The following DET1 variants were observed in gnomAD, a reference collection of about 807,000 sequenced individuals.
DET1 encodes DET1 homolog.
A neutral mutation model predicts 43.7 loss-of-function variants in DET1; 22 were observed. The observed-to-expected ratio is 0.50, with a 90% CI of 0.36 to 0.72. The LOEUF (loss-of-function observed/expected upper bound fraction) is 0.72, where lower values mean the gene tolerates loss of function less well. Ranked by LOEUF, DET1 falls within the 30% of genes least tolerant of loss-of-function variation. The pLI, the probability that DET1 is intolerant of heterozygous loss-of-function variation, is 0.00. For missense variants in DET1, 713 were observed against 713.3 expected (o/e 1.00, Z 0.00); for synonymous variants, 315 against 266.2 (o/e 1.18, Z -1.79).
In DET1 at chr15:88,516,829, C is replaced by T; in HGVS notation, c.1416G>A (p.Trp472Ter). 1 of 1,608,886 alleles carries T rather than the reference C, an allele frequency of 6.2e-7. No homozygotes were observed. Among genetic ancestry groups the T allele is most frequent in the Non-Finnish European group, 8.5e-7 (1 of 1,177,956 alleles). The change falls in exon 4 of 5, where the codon TGG (tryptophan) becomes TGA (stop). Residue 472 changes from tryptophan to a stop codon, truncating the protein, a stop_gained. Transcript: ENST00000268148. LOFTEE classifies it high-confidence loss of function. This position sits in a 1 kb window ranked among gnomAD's most constrained non-coding sequence, Gnocchi z 4.4. ...TCTTGGGCCGCTCCATGACAGATAC[C>T]CACTTGTCATCATAACTGAAGAGAG... ...DLSLFSYDDK[W>*]VSVMERPKTC...
At chr15:88,520,304 C>T (rs915472808) in intron 3 of DET1, among the ~76,000 whole-genome samples, 2 of 152,122 alleles carry the variant, frequency 1.3e-5, no homozygotes. Flanking sequence ...AACTCTTTTC[C>T]ATACTGTCCA....
chr15:88,544,080 T>C (rs754836202), intron 1 of DET1, among the ~76,000 whole-genome samples: 2 of 152,206 alleles, frequency 1.3e-5, no homozygotes, highest in East Asian at 3.8e-4. Flanking sequence ...GTTAAGTTCC[T>C]ACTCAATAAA....
At chr15:88,523,291 A>G (rs1598326859) in intron 3 of DET1, among the ~76,000 whole-genome samples, 1 of 152,110 alleles carries the variant, frequency 6.6e-6, no homozygotes, top group East Asian at 1.9e-4. Flanking sequence ...TTGAACATTT[A>G]TTTTGACCTA....
intron 3 of DET1, among the ~76,000 whole-genome samples, chr15:88,523,476 C>G (rs1340669156): frequency 6.6e-6 from 1 of 152,168 alleles, no homozygotes; most frequent in Non-Finnish European, 1.5e-5. Context: ...TACACAGTCT[C>G]CCTCTGATGC....
intron 1 of DET1, among the ~76,000 whole-genome samples, chr15:88,543,090 G>C (rs1274658043): frequency 1.3e-5 from 2 of 152,170 alleles, no homozygotes; most frequent in Admixed American, 6.5e-5. Context: ...ATCTGAAAAA[G>C]ACTTTAACTG....
rs1023725879 is a variant in DET1 at position 88,513,129 on chromosome 15, C to T, written c.1475G>A (p.Arg492Gln). 6.2e-6 allele frequency: 10 copies of T among 1,610,350 alleles called. No individual in the cohort carries two copies. The highest frequency in any genetic ancestry group is 2.7e-5 in the African/African-American group (2 of 74,854). ...CGDHPIRFYARDSGLLKFEIQ... is the reference protein window; with the variant it reads ...CGDHPIRFYAQDSGLLKFEIQ... ...CTCAAACTTGAGCAGGCCCGAGTCC[C>T]GGGCATAGAACCTAAAAAGAACAAG... The change falls in exon 5 of 5, where the codon CGG becomes CAG. Residue 492 changes from arginine (R) to glutamine (Q), a missense_variant. By Grantham distance (43) the Arg-to-Gln change is conservative (BLOSUM62 1). Coordinates refer to ENST00000268148, the MANE Select transcript of DET1 (RefSeq NM_001144074.3).
intron 1 of DET1, among the ~76,000 whole-genome samples, chr15:88,544,962 A>C (rs1410200333): frequency 6.6e-6 from 1 of 152,160 alleles, no homozygotes; most frequent in Non-Finnish European, 1.5e-5. Flanking sequence ...TGGGAGCCAA[A>C]CTGGATGTGT....
rs139917608 is a variant in DET1 at position 88,506,616 on chromosome 15, T to A, written c.*2066-2629A>T. On this transcript the variant is annotated intron_variant and NMD_transcript_variant, in intron 7 of 8. Transcript: ENST00000557842. ...ATTATAATCTACTCATTAAGGAAAG[T>A]CCCTAAGGGCTTCTACAAAGGAACA... 1.4e-3 allele frequency among the ~76,000 whole-genome samples: 220 copies of A among 152,328 alleles called. 2 individuals are homozygous for A. The highest frequency in any genetic ancestry group is 0.01 in the Middle Eastern group (3 of 294).
intron 3 of DET1, among the ~76,000 whole-genome samples, chr15:88,523,058 T>C (rs1027939046): frequency 5.3e-5 from 8 of 151,798 alleles, no homozygotes; most frequent in Non-Finnish European, 7.4e-5. Context: ...AATTTTTTTG[T>C]TTTTTCGGAG....
At chr15:88,534,643 G>A (rs890148926) in intron 1 of DET1, among the ~76,000 whole-genome samples, 1 of 151,360 alleles carries the variant, frequency 6.6e-6, no homozygotes, top group Non-Finnish European at 1.5e-5. Context: ...CATACTAAAG[G>A]CTTTGAGAAC....
chr15:88,537,082 T>C (rs2056972323), intron 1 of DET1, among the ~76,000 whole-genome samples: 1 of 152,192 alleles, frequency 6.6e-6, no homozygotes, highest in Non-Finnish European at 1.5e-5. Flanking sequence ...AAAATGTACA[T>C]ACCTCCATGA....
chr15:88,519,981 G>T, intron 3 of DET1, among the ~76,000 whole-genome samples: 1 of 152,158 alleles, frequency 6.6e-6, no homozygotes, highest in East Asian at 1.9e-4. Flanking sequence ...ACAAATGGAA[G>T]TTAGCAGAAG....
chr15:88,531,693 C>A lies in DET1; in HGVS notation c.13G>T (p.Val5Phe). MDHH[V>F]STIKPRRIQN... ...ATTCTTCGAGGCTTGATGGTAGAAA[C>A]ATGATGATCCATTATCACATCTCTA... Residue 5 changes from valine (V) to phenylalanine (F), a missense_variant, in exon 2 of 5, where the codon GTT becomes TTT. Physicochemically the swap from Val to Phe is conservative, Grantham distance 50 (BLOSUM62 -1). Coordinates refer to ENST00000268148, the MANE Select transcript of DET1 (RefSeq NM_001144074.3). This position sits in a 1 kb window ranked among gnomAD's most constrained non-coding sequence, Gnocchi z 6.2. The A allele has an allele frequency of 3.1e-6, 5 of 1,607,312 alleles. No homozygotes were observed. The highest frequency in any genetic ancestry group is 4.3e-6 in the Non-Finnish European group (5 of 1,174,362).
At chr15:88,526,702 C>T (rs1307204796) in intron 3 of DET1, among the ~76,000 whole-genome samples, 1 of 152,224 alleles carries the variant, frequency 6.6e-6, no homozygotes, top group Non-Finnish European at 1.5e-5. Flanking sequence ...TTTAGCATAA[C>T]ATGTCTCATC....
Position 88,531,376 on chromosome 15 carries a change from G to C in DET1, c.330C>G (p.Asp110Glu). Reference protein sequence around the residue: ...YEGEILSNGNDQRSVNIRGRL... With the variant: ...YEGEILSNGNEQRSVNIRGRL... ...GGCCCCGGATATTCACTGACCGCTG[G>C]TCATTGCCATTGGACAGGATTTCTC... Residue 110 changes from aspartate to glutamate, a missense_variant, in exon 2 of 5, where the codon GAC (aspartate) becomes GAG (glutamate). By Grantham distance (45) the Asp-to-Glu change is conservative. Transcript: ENST00000268148. This position sits in a 1 kb window ranked among gnomAD's most constrained non-coding sequence, Gnocchi z 6.2. The C allele has an allele frequency of 6.2e-7, 1 of 1,614,044 alleles. No individual in the cohort carries two copies. The highest frequency in any genetic ancestry group is 8.5e-7 in the Non-Finnish European group (1 of 1,179,900).
intron 1 of DET1, among the ~76,000 whole-genome samples, chr15:88,542,324 C>A (rs1164072511): frequency 6.6e-6 from 1 of 152,110 alleles, no homozygotes; most frequent in Non-Finnish European, 1.5e-5. Context: ...GGAAGGAGAG[C>A]CTTGGACGAT....
At chr15:88,541,557 A>T (rs1312949786) in intron 1 of DET1, among the ~76,000 whole-genome samples, 1 of 152,184 alleles carries the variant, frequency 6.6e-6, no homozygotes, top group Non-Finnish European at 1.5e-5. Context: ...CTGCCTTTAA[A>T]AAGGCAAGCT....
At position 88,530,904 on chromosome 15, in the gene DET1, C is replaced by G; in HGVS notation, c.802G>C (p.Val268Leu). Residue 268 changes from valine to leucine, a missense_variant, in exon 2 of 5, where the codon GTG becomes CTG. Transcript: ENST00000268148. ...RFCYEDDLLT[V>L]SAVFPEVQRD... is the part of the protein sequence containing the mutation. ...TGTACCTCAGGGAAAACAGCTGACA[C>G]AGTGAGCAGGTCATCCTCATAGCAA... is the stretch of plus-strand genomic sequence containing the variant. 2 of 1,614,010 alleles carry G rather than the reference C, an allele frequency of 1.2e-6. No homozygotes were observed. The highest frequency in any genetic ancestry group is 2.2e-5 in the East Asian group (1 of 44,876).
chr15:88,535,581 C>A (rs1318952072), intron 1 of DET1, among the ~76,000 whole-genome samples: 1 of 152,026 alleles, frequency 6.6e-6, no homozygotes, highest in East Asian at 1.9e-4. Flanking sequence ...CATGGCAAAA[C>A]CCCATCTCTA....
Sources: allele counts gnomAD v4.1 joint callset (sites outside exome capture counted in the v4.1 genomes callset), GRCh38; gene constraint gnomAD v4.1.1; non-coding constraint Gnocchi (gnomAD v3.1); transcripts MANE v1.5; gene names NCBI Gene and HGNC (gene_info 2026-07-23, HGNC 2026-07-21).